ETFA: variants seen among roughly 807,000 people sequenced by gnomAD.
ETFA encodes electron transfer flavoprotein subunit alpha, mitochondrial.
ETFA carries 22 observed loss-of-function variants against 46.2 expected under a neutral mutation model. That is an observed-to-expected ratio of 0.48 (90% CI 0.34 to 0.68). The LOEUF (loss-of-function observed/expected upper bound fraction) is 0.68. Among genes scored for constraint, ETFA ranks in the 30% least tolerant of loss-of-function variants. The pLI, the probability that ETFA is intolerant of heterozygous loss-of-function variation, is 0.01. For synonymous variants in ETFA, 131 were observed against 139.9 expected (o/e 0.94, Z 0.45); for missense variants, 345 against 401.1 (o/e 0.86, Z 1.19).
chr15:76,238,162 A>C (rs934694048), intron 9 of ETFA, among the ~76,000 whole-genome samples: 1 of 152,210 alleles, frequency 6.6e-6, no homozygotes, highest in Non-Finnish European at 1.5e-5. Flanking sequence ...TTCTGCCTGC[A>C]GCAACTTCAG....
At chr15:76,217,448 C>T (rs534964816) in intron 11 of ETFA, 1 of 321,392 alleles carries the variant, frequency 3.1e-6, no homozygotes, top group Admixed American at 4.1e-5. Context: ...ACATGCTGAA[C>T]ATTCAATATC....
intron 9 of ETFA, among the ~76,000 whole-genome samples, chr15:76,271,981 T>C (rs1270555814): frequency 6.6e-6 from 1 of 152,058 alleles, no homozygotes; most frequent in African/African-American, 2.4e-5. Flanking sequence ...GGCTGTATAG[T>C]TTATGTCAAA....
In ETFA at chr15:76,231,943, T is replaced by G. The variant is rs372017847; in HGVS notation, c.817-545A>C. Reference sequence around the variant, plus strand: ...GGATATGTTTATTAAACTTTGTATTTAGAAAAACCAGAAATACAAATTACT... The same window carrying G: ...GGATATGTTTATTAAACTTTGTATTGAGAAAAACCAGAAATACAAATTACT... On this transcript the variant is annotated intron_variant, in intron 9 of 11. Coordinates refer to ENST00000557943, the MANE Select transcript of ETFA (RefSeq NM_000126.4). Among the ~76,000 whole-genome samples the G allele has an allele frequency of 7.6e-4, 115 of 152,268 alleles. 6 individuals are homozygous for G. In the South Asian group the frequency reaches 0.021, roughly 28 times the overall value.
intron 9 of ETFA, chr15:76,260,726 T>C: frequency 6.2e-7 from 1 of 1,606,250 alleles, no homozygotes; most frequent in Non-Finnish European, 8.5e-7. Context: ...CATGGAGGTT[T>C]TGGGGAGCGC....
intron 8 of ETFA, among the ~76,000 whole-genome samples, chr15:76,276,080 GT>G (rs1192634129): frequency 6.6e-6 from 1 of 151,910 alleles, no homozygotes; most frequent in African/African-American, 2.4e-5. Context: ...ATACACCAGA[GT>G]TTTTGACCTC....
chr15:76,276,396 T>C (rs1305713413), intron 8 of ETFA, among the ~76,000 whole-genome samples: 1 of 152,042 alleles, frequency 6.6e-6, no homozygotes, highest in Non-Finnish European at 1.5e-5. Context: ...TTTCCTGTAG[T>C]TTGCAAATGA....
rs144454417 is a variant in ETFA at position 76,306,820 on chromosome 15, T to C, written c.39+4530A>G. Among the ~76,000 whole-genome samples the C allele has an allele frequency of 1.1e-3, 172 of 152,344 alleles. 1 individual carries two copies. The highest frequency in any genetic ancestry group is 4.0e-3 in the African/African-American group (166 of 41,592). ...AATACTAAAAACACAGTCAATTTAC[T>C]TCACTTTAAGAAAGGACAAGACTCT... On this transcript the variant is annotated intron_variant, in intron 1 of 11. Transcript: ENST00000557943.
intron 4 of ETFA, among the ~76,000 whole-genome samples, chr15:76,288,356 T>C (rs1029713853): frequency 2.6e-5 from 4 of 152,102 alleles, no homozygotes; most frequent in African/African-American, 4.8e-5. Context: ...TTACTTAATG[T>C]ATATAAAAGA....
chr15:76,279,724 T>C (rs920022991), intron 8 of ETFA, among the ~76,000 whole-genome samples: 1 of 152,130 alleles, frequency 6.6e-6, no homozygotes, highest in Non-Finnish European at 1.5e-5. Flanking sequence ...GTGTGTGTCA[T>C]AGTTGATCAA....
chr15:76,284,791 G>A (rs748452896), intron 7 of ETFA: 24 of 268,798 alleles, frequency 8.9e-5, no homozygotes, highest in African/African-American at 3.1e-4. Context: ...CGCGCTGGGC[G>A]TAGTGGCACA....
At chr15:76,305,714 C>T (rs1265947579) in intron 1 of ETFA, among the ~76,000 whole-genome samples, 1 of 152,176 alleles carries the variant, frequency 6.6e-6, no homozygotes, top group Admixed American at 6.5e-5. Context: ...ACTCTTATTA[C>T]CTCACCTTCC....
At chr15:76,238,027 C>T (rs564953314) in intron 9 of ETFA, among the ~76,000 whole-genome samples, 80 of 152,182 alleles carry the variant, frequency 5.3e-4, no homozygotes, top group African/African-American at 1.9e-3. Flanking sequence ...GGATACATAT[C>T]CCAGATGCAA....
intron 4 of ETFA, among the ~76,000 whole-genome samples, chr15:76,291,248 G>A (rs1029151853): frequency 9.2e-5 from 14 of 151,968 alleles, no homozygotes; most frequent in African/African-American, 3.4e-4. Context: ...TTCGAGACCA[G>A]CCTGGTCAAC....
At chr15:76,270,686 C>T (rs2039520624) in intron 9 of ETFA, among the ~76,000 whole-genome samples, 1 of 152,098 alleles carries the variant, frequency 6.6e-6, no homozygotes, top group Admixed American at 6.5e-5. Context: ...GAGCCTGGAA[C>T]ATCTTGTCTT....
intron 9 of ETFA, among the ~76,000 whole-genome samples, chr15:76,273,590 A>AAAAG (rs1567211623): frequency 1.3e-5 from 2 of 151,980 alleles, no homozygotes; most frequent in African/African-American, 4.8e-5. Flanking sequence ...AACAAAAAAA[A>AAAAG]CTTCAAAAAT....
At chr15:76,229,402 C>T (rs1230363803) in intron 10 of ETFA, among the ~76,000 whole-genome samples, 3 of 152,224 alleles carry the variant, frequency 2.0e-5, no homozygotes, top group Non-Finnish European at 1.5e-5. Context: ...AGTCTCCTTA[C>T]TTCAACTGTT....
At chr15:76,251,282 A>G (rs770992536) in intron 9 of ETFA, among the ~76,000 whole-genome samples, 6 of 152,224 alleles carry the variant, frequency 3.9e-5, no homozygotes, top group Admixed American at 1.3e-4. Context: ...CATATTAGCA[A>G]AATTAAAAAG....
intron 9 of ETFA, among the ~76,000 whole-genome samples, chr15:76,252,007 A>G (rs535193926): frequency 6.6e-6 from 1 of 152,222 alleles, no homozygotes; most frequent in South Asian, 2.1e-4. Flanking sequence ...TACCAGGCCA[A>G]ATGATACTTC....
chr15:76,282,095 G>C (rs943422912), intron 8 of ETFA, among the ~76,000 whole-genome samples: 1 of 151,752 alleles, frequency 6.6e-6, no homozygotes, highest in Admixed American at 6.6e-5. Flanking sequence ...GTACAGATGG[G>C]GTTTCACCAC....
Sources: allele counts gnomAD v4.1 joint callset (sites outside exome capture counted in the v4.1 genomes callset), GRCh38; gene constraint gnomAD v4.1.1; transcripts MANE v1.5; gene names NCBI Gene and HGNC (gene_info 2026-07-23, HGNC 2026-07-21).